GLP2R: variants seen among roughly 807,000 people sequenced by gnomAD.
The protein encoded by GLP2R is glucagon-like peptide 2 receptor.
GLP2R carries 59 observed loss-of-function variants against 68.2 expected under a neutral mutation model. The observed-to-expected ratio is 0.87, with a 90% CI of 0.70 to 1.07. The LOEUF (loss-of-function observed/expected upper bound fraction) is 1.07. Among genes scored for constraint, GLP2R ranks in the 50% least tolerant of loss-of-function variants. GLP2R has a pLI of 0.00. For missense variants in GLP2R, 548 were observed against 677.4 expected (o/e 0.81, Z 2.12); for synonymous variants, 270 against 265.4 (o/e 1.02, Z -0.17).
chr17:9,887,007 T>A (rs2067249191), intron 11 of GLP2R, among the ~76,000 whole-genome samples: 1 of 152,144 alleles, frequency 6.6e-6, no homozygotes. Context: ...CCAGGACATG[T>A]AGGTGATCAC....
chr17:9,873,500 T>C, intron 10 of GLP2R, among the ~76,000 whole-genome samples: 1 of 149,150 alleles, frequency 6.7e-6, no homozygotes, highest in Non-Finnish European at 1.5e-5. Context: ...ACCCTTTGAA[T>C]GGAAGGACAT....
intron 9 of GLP2R, among the ~76,000 whole-genome samples, chr17:9,870,030 T>C (rs1001182905): frequency 1.3e-5 from 2 of 152,208 alleles, no homozygotes; most frequent in African/African-American, 4.8e-5. Context: ...GAGCATATTC[T>C]GTCTATGAAT....
chr17:9,867,453 G>C (rs566328368), intron 9 of GLP2R, among the ~76,000 whole-genome samples: 1 of 152,356 alleles, frequency 6.6e-6, no homozygotes, highest in East Asian at 1.9e-4. Context: ...GAAGAATCCA[G>C]ATGCCCTTTG....
intron 11 of GLP2R, among the ~76,000 whole-genome samples, chr17:9,882,367 A>G (rs1271010196): frequency 6.6e-6 from 1 of 152,256 alleles, no homozygotes; most frequent in Non-Finnish European, 1.5e-5. Flanking sequence ...TGGGCTAGCC[A>G]GAAATTTTAC....
chr17:9,841,107 C>G (rs946995404), intron 3 of GLP2R, among the ~76,000 whole-genome samples: 4 of 151,344 alleles, frequency 2.6e-5, no homozygotes, highest in African/African-American at 9.7e-5. Flanking sequence ...ACCTCTGCCT[C>G]CCAGGTTCAA....
At chr17:9,844,921 C>T (rs2066823699) in intron 4 of GLP2R, among the ~76,000 whole-genome samples, 1 of 151,316 alleles carries the variant, frequency 6.6e-6, no homozygotes, top group African/African-American at 2.4e-5. Context: ...GAACTCCTGA[C>T]CTCAGGTGAT....
In GLP2R at chr17:9,891,265, G is replaced by C. The variant is rs2067288529; in HGVS notation, c.*1560G>C. The C allele has an allele frequency of 6.6e-6, 1 of 152,182 alleles. No homozygotes were observed. The highest frequency in any genetic ancestry group is 1.5e-5 in the Non-Finnish European group (1 of 68,042). 9.4% of individuals were successfully genotyped at this position (152,182 alleles called of 1,614,324 possible). ...TTTTACTGGCATCTCTGTTTTCAAG[G>C]ATACTTTGCCACAGGGCTGGGACTA... On this transcript the variant is annotated 3_prime_UTR_variant, in exon 13 of 13. Transcript: ENST00000262441.
At chr17:9,840,104 G>A (rs993788038) in intron 3 of GLP2R, among the ~76,000 whole-genome samples, 1 of 151,578 alleles carries the variant, frequency 6.6e-6, no homozygotes, top group Non-Finnish European at 1.5e-5. Flanking sequence ...AGCCTCCCAA[G>A]TAGCTGGGAT....
intron 1 of GLP2R, 55 bp downstream of exon 1, chr17:9,826,307 T>A (rs2066629076): frequency 7.4e-7 from 1 of 1,355,398 alleles, no homozygotes; most frequent in Non-Finnish European, 9.8e-7. Context: ...GATTTTTTTT[T>A]AAAGAAGCAA....
intron 8 of GLP2R, 124 bp from the exon 9 acceptor site, chr17:9,861,897 G>A (rs1009186137): frequency 1.3e-6 from 1 of 742,830 alleles, no homozygotes; most frequent in African/African-American, 1.7e-5. Context: ...ACCCCTCAGG[G>A]GACTGATTGG....
At chr17:9,857,741 G>T (rs2066947517) in intron 6 of GLP2R, among the ~76,000 whole-genome samples, 165 bp downstream of exon 6, 1 of 144,606 alleles carries the variant, frequency 6.9e-6, no homozygotes, top group Non-Finnish European at 1.5e-5. Flanking sequence ...ACCACCACCT[G>T]CCAAGAGCAG....
At chr17:9,865,998 A>G in intron 9 of GLP2R, 1 of 450,142 alleles carries the variant, frequency 2.2e-6, no homozygotes, top group Non-Finnish European at 4.6e-6. Context: ...GTCCTGAACA[A>G]TAAGGAGCTA....
chr17:9,884,990 G>T (rs140299132), intron 11 of GLP2R, among the ~76,000 whole-genome samples: 122 of 152,070 alleles, frequency 8.0e-4, no homozygotes, highest in African/African-American at 2.7e-3. Flanking sequence ...CTCACCCAAG[G>T]CCCGGTAAAG....
At chr17:9,879,440 T>C (rs900146209) in intron 10 of GLP2R, among the ~76,000 whole-genome samples, 1 of 152,166 alleles carries the variant, frequency 6.6e-6, no homozygotes, top group Admixed American at 6.5e-5. Context: ...AAGGCTGCAG[T>C]GAGCTAGAAT....
chr17:9,830,197 A>C (rs576024431), intron 1 of GLP2R, among the ~76,000 whole-genome samples: 1 of 152,202 alleles, frequency 6.6e-6, no homozygotes, highest in Admixed American at 6.5e-5. Context: ...GCTTTTGACT[A>C]TGGCCATTGG....
At chr17:9,877,169 G>A (rs2067148466) in intron 10 of GLP2R, among the ~76,000 whole-genome samples, 1 of 152,182 alleles carries the variant, frequency 6.6e-6, no homozygotes, top group Non-Finnish European at 1.5e-5. Flanking sequence ...TGTGCCATAA[G>A]CAGATGCTCA....
intron 11 of GLP2R, among the ~76,000 whole-genome samples, chr17:9,887,731 G>A (rs1404688437): frequency 6.6e-6 from 1 of 152,206 alleles, no homozygotes; most frequent in Non-Finnish European, 1.5e-5. Flanking sequence ...CGGGGCGCTG[G>A]ATGTCAAAGT....
At position 9,844,721 on chromosome 17, in the gene GLP2R, C is replaced by T. The variant is rs536738111; in HGVS notation, c.504+2105C>T. Among the ~76,000 whole-genome samples, 10 of 109,114 alleles carry T rather than the reference C, an allele frequency of 9.2e-5. No individual in the cohort carries two copies. The Admixed American group carries it at 1.1e-3, about 12-fold the overall frequency. The allele number at this position is 109,114 out of a possible 152,430, so 71.6% of individuals were successfully genotyped here. A position where few individuals can be genotyped will look rare whatever the true frequency, so the allele number is the denominator to read the frequency against. On this transcript the variant is annotated intron_variant, in intron 4 of 12. Transcript: ENST00000262441. ...TTTTTTTTTTTGTGAGGCAGAGTCT[C>T]GCTCTGTCACCTAGGCTGGAGTGCA...
intron 3 of GLP2R, among the ~76,000 whole-genome samples, chr17:9,840,181 T>C (rs2066772637): frequency 6.6e-6 from 1 of 152,178 alleles, no homozygotes; most frequent in Non-Finnish European, 1.5e-5. Flanking sequence ...TTCACTATGT[T>C]GGCCAGGCTG....
Sources: allele counts gnomAD v4.1 joint callset (sites outside exome capture counted in the v4.1 genomes callset), GRCh38; gene constraint gnomAD v4.1.1; transcripts MANE v1.5; gene names NCBI Gene and HGNC (gene_info 2026-07-23, HGNC 2026-07-21).